Variants in MEF2C observed in about 807,000 individuals in gnomAD.
MEF2C encodes myocyte-specific enhancer factor 2C.
MEF2C carries 6 observed loss-of-function variants against 50.5 expected under a neutral mutation model. That is an observed-to-expected ratio of 0.12 (90% CI 0.07 to 0.23). MEF2C has a LOEUF of 0.23. MEF2C is among the 10% of genes least tolerant of loss of function. MEF2C has a pLI of 1.00. For missense variants in MEF2C, 276 were observed against 605.0 expected (o/e 0.46, Z 5.70); for synonymous variants, 183 against 228.0 (o/e 0.80, Z 1.78).
upstream of MEF2C, among the ~76,000 whole-genome samples, chr5:88,887,878 C>A (rs1834164179): frequency 6.6e-6 from 1 of 152,124 alleles, no homozygotes; most frequent in South Asian, 2.1e-4. Flanking sequence ...TGAGAATTTG[C>A]AATATACAAA....
At chr5:88,854,799 T>C (rs1468073500) in intron 1 of MEF2C, among the ~76,000 whole-genome samples, 1 of 152,194 alleles carries the variant, frequency 6.6e-6, no homozygotes, top group Non-Finnish European at 1.5e-5. Flanking sequence ...ACATATCATT[T>C]CACACAGACC....
At chr5:88,781,536 C>T (rs1788030059) in intron 3 of MEF2C, among the ~76,000 whole-genome samples, 1 of 152,210 alleles carries the variant, frequency 6.6e-6, no homozygotes, top group African/African-American at 2.4e-5. Flanking sequence ...AAATGTGTGT[C>T]TGTCCCTCCT....
Position 88,869,283 on chromosome 5 carries a change from A to ACG in MEF2C, c.-143+13671_-143+13672insCG, listed in dbSNP as rs1404241617. Among the ~76,000 whole-genome samples, 3 of 80,140 alleles carry ACG rather than the reference A, an allele frequency of 3.7e-5. No homozygotes were observed. In the Admixed American group the frequency reaches 4.4e-4, roughly 12 times the overall value. The allele number at this position is 80,140 out of a possible 152,430, so 52.6% of individuals were successfully genotyped here. On this transcript the variant is annotated intron_variant, in intron 1 of 10. Coordinates refer to ENST00000504921, the MANE Select transcript of MEF2C (RefSeq NM_002397.5). ...TATATATATATATATATATACATATATATATATATATACACATATATATAT... is the reference window on the plus strand; with the variant it reads ...TATATATATATATATATATACATATACGTATATATATATACACATATATATAT...
chr5:88,733,772 T>C, intron 6 of MEF2C: 1 of 985,276 alleles, frequency 1.0e-6, no homozygotes, highest in Non-Finnish European at 1.2e-6. Context: ...TTATCCCAGT[T>C]CCTGGGGCAA....
At chr5:88,879,684 T>A (rs776175049) in intron 1 of MEF2C, among the ~76,000 whole-genome samples, 1 of 152,104 alleles carries the variant, frequency 6.6e-6, no homozygotes, top group Admixed American at 6.5e-5. Context: ...AAAGAAATGA[T>A]GGAACTTAAA....
At chr5:88,878,462 C>G (rs1436634793) in intron 1 of MEF2C, among the ~76,000 whole-genome samples, 1 of 152,016 alleles carries the variant, frequency 6.6e-6, no homozygotes, top group Non-Finnish European at 1.5e-5. Flanking sequence ...CAGGTCTACG[C>G]TTACCATCCT....
chr5:88,853,029 G>C (rs904078742), intron 1 of MEF2C, among the ~76,000 whole-genome samples: 2 of 152,106 alleles, frequency 1.3e-5, no homozygotes, highest in Non-Finnish European at 2.9e-5. Flanking sequence ...TTCAAGACAA[G>C]CCTGGGAAAC....
At chr5:88,740,979 T>C (rs539342440) in intron 6 of MEF2C, 1 of 985,426 alleles carries the variant, frequency 1.0e-6, no homozygotes, top group East Asian at 1.1e-4. Context: ...AGAGAAAGAA[T>C]AATTACTTGT....
chr5:88,816,913 T>C (rs1024681761), intron 2 of MEF2C, among the ~76,000 whole-genome samples: 5 of 151,966 alleles, frequency 3.3e-5, no homozygotes, highest in African/African-American at 1.2e-4. Flanking sequence ...TTTTCACTGA[T>C]TGAGCTTTTT....
chr5:88,805,028 AT>A (rs1342349848), intron 2 of MEF2C, among the ~76,000 whole-genome samples: 1 of 152,168 alleles, frequency 6.6e-6, no homozygotes, highest in African/African-American at 2.4e-5. Context: ...TAAATGCAAG[AT>A]TTAATGTAGG....
intron 1 of MEF2C, among the ~76,000 whole-genome samples, chr5:88,850,529 C>A (rs1820941041): frequency 6.6e-6 from 1 of 151,992 alleles, no homozygotes; most frequent in African/African-American, 2.4e-5. Context: ...TGAGTGGGAA[C>A]TGCCAAAGTA....
intron 3 of MEF2C, among the ~76,000 whole-genome samples, chr5:88,789,170 A>C (rs1031767124): frequency 2.6e-5 from 4 of 150,978 alleles, no homozygotes; most frequent in African/African-American, 9.7e-5. Flanking sequence ...TTTTTGTAAT[A>C]CTTTTTTTTT....
intron 1 of MEF2C, among the ~76,000 whole-genome samples, chr5:88,894,692 A>G (rs957061779): frequency 6.6e-6 from 1 of 152,240 alleles, no homozygotes; most frequent in Admixed American, 6.5e-5. Context: ...TTGAAGATAT[A>G]AAAGAGGAAT....
chr5:88,792,489 C>T (rs576262030), intron 3 of MEF2C, among the ~76,000 whole-genome samples: 2 of 152,308 alleles, frequency 1.3e-5, no homozygotes. Context: ...AGTGACTCCT[C>T]AAATTTTATA....
intron 1 of MEF2C, among the ~76,000 whole-genome samples, chr5:88,832,021 T>C (rs1813257658): frequency 6.6e-6 from 1 of 152,146 alleles, no homozygotes; most frequent in South Asian, 2.1e-4. Context: ...GTTTATTTTC[T>C]TAAAGCCAGT....
chr5:88,728,629 CTAGAT>C lies in MEF2C; in HGVS notation c.965-6_965-2del, dbSNP rs1064795146. On this transcript the variant is annotated splice_acceptor_variant and splice_polypyrimidine_tract_variant and intron_variant, in intron 9 of 10. Transcript: ENST00000504921. LOFTEE classifies it high-confidence loss of function. ...AGGTCTGCACTACTCAGAGAGTACT[CTAGAT>C]TAAAGAATAAAACAACAAGGGAAAA... 3 of 1,414,564 alleles carry C rather than the reference CTAGAT, an allele frequency of 2.1e-6. No homozygotes were observed. The highest frequency in any genetic ancestry group is 2.7e-5 in the Admixed American group (1 of 37,058). The allele number at this position is 1,414,564 out of a possible 1,614,324, so 87.6% of individuals were successfully genotyped here.
chr5:88,783,284 C>G (rs1789081310), intron 3 of MEF2C, among the ~76,000 whole-genome samples: 1 of 152,180 alleles, frequency 6.6e-6, no homozygotes, highest in Non-Finnish European at 1.5e-5. Context: ...CTCATAACAG[C>G]TAAGCAGAAG....
At chr5:88,761,396 G>T in intron 3 of MEF2C, 68 bp from the exon 4 acceptor site, 1 of 1,534,050 alleles carries the variant, frequency 6.5e-7, no homozygotes, top group South Asian at 1.3e-5. Flanking sequence ...GGGCATTAAA[G>T]AAGTTCAAGC....
chr5:88,739,820 G>T (rs1405756319), intron 6 of MEF2C: 1 of 985,058 alleles, frequency 1.0e-6, no homozygotes, highest in Non-Finnish European at 1.2e-6. Context: ...CAGAAATCTG[G>T]GTATGATGAA....
Sources: gnomAD v4.1 joint callset for allele counts (sites outside exome capture counted in the v4.1 genomes callset) on GRCh38, gnomAD v4.1.1 for gene constraint, MANE v1.5 for transcripts, NCBI Gene and HGNC (gene_info 2026-07-23, HGNC 2026-07-21) for gene names.